Variants in MYRIP observed in about 807,000 individuals in gnomAD.
The protein encoded by MYRIP is myosin VIIA and Rab interacting protein.
In MYRIP, 49 loss-of-function variants were observed where a neutral mutation model predicts 98.0. The observed-to-expected ratio is 0.50, with a 90% CI of 0.40 to 0.63. The LOEUF (loss-of-function observed/expected upper bound fraction) is 0.63. Among genes scored for constraint, MYRIP ranks in the 30% least tolerant of loss-of-function variants. The probability of loss-of-function intolerance (pLI) is 0.00; values close to 1 mark genes in which losing one functional copy is unlikely to be tolerated. For missense variants in MYRIP, 1,004 were observed against 1,058.2 expected, an observed-to-expected ratio of 0.95 and a Z score of 0.71; for synonymous variants, 404 against 409.5, an observed-to-expected ratio of 0.99 and a Z score of 0.16.
intron 1 of MYRIP, among the ~76,000 whole-genome samples, chr3:39,857,910 G>T (rs746939382): frequency 1.6e-4 from 24 of 152,040 alleles, no homozygotes; most frequent in Non-Finnish European, 2.2e-4. Context: ...TAAGAGAAAG[G>T]TATGAAAGTA....
chr3:40,124,286 C>T (rs908929020), intron 3 of MYRIP, among the ~76,000 whole-genome samples: 1 of 152,336 alleles, frequency 6.6e-6, no homozygotes, highest in African/African-American at 2.4e-5. Context: ...AACACAGACA[C>T]AACCAAACCA....
intron 3 of MYRIP, among the ~76,000 whole-genome samples, chr3:40,098,158 G>A (rs1163668293): frequency 6.6e-6 from 1 of 152,164 alleles, no homozygotes; most frequent in Non-Finnish European, 1.5e-5. Flanking sequence ...AACAACAACA[G>A]CAGCCTTTTT....
intron 3 of MYRIP, among the ~76,000 whole-genome samples, chr3:40,131,838 TCTC>T (rs1246123971): frequency 6.6e-6 from 1 of 152,038 alleles, no homozygotes; most frequent in African/African-American, 2.4e-5. Context: ...CTCCCTCATA[TCTC>T]CTCTTTTCCA....
intron 3 of MYRIP, among the ~76,000 whole-genome samples, chr3:40,051,598 A>G (rs1036484805): frequency 6.6e-6 from 1 of 152,142 alleles, no homozygotes; most frequent in African/African-American, 2.4e-5. Context: ...TGAACCCACA[A>G]TATGCCCAAG....
At chr3:39,864,306 T>C (rs1942558202) in intron 1 of MYRIP, among the ~76,000 whole-genome samples, 1 of 151,848 alleles carries the variant, frequency 6.6e-6, no homozygotes, top group Non-Finnish European at 1.5e-5. Flanking sequence ...GTCAGAGAAA[T>C]TGGACAAGAG....
At chr3:39,898,820 A>T (rs1365241996) in intron 1 of MYRIP, among the ~76,000 whole-genome samples, 1 of 152,168 alleles carries the variant, frequency 6.6e-6, no homozygotes, top group Non-Finnish European at 1.5e-5. Flanking sequence ...TATTATAATC[A>T]TTATTGTTAT....
intron 3 of MYRIP, among the ~76,000 whole-genome samples, chr3:40,111,443 C>CTA (rs1949155727): frequency 6.6e-6 from 1 of 152,180 alleles, no homozygotes; most frequent in Non-Finnish European, 1.5e-5. Flanking sequence ...ACTGTACAGA[C>CTA]TAAACCTTTA....
chr3:40,140,526 G>T (rs771898649), intron 3 of MYRIP, among the ~76,000 whole-genome samples: 8 of 152,166 alleles, frequency 5.3e-5, no homozygotes, highest in Non-Finnish European at 1.2e-4. Context: ...GTAGTTTGGT[G>T]AGGGACCTCC....
chr3:40,226,346 A>G (rs1952489785), intron 11 of MYRIP, among the ~76,000 whole-genome samples: 1 of 152,160 alleles, frequency 6.6e-6, no homozygotes, highest in African/African-American at 2.4e-5. Context: ...GCACCTTGCC[A>G]GCTCCCTCTT....
At chr3:40,070,195 C>A (rs1042174054) in intron 3 of MYRIP, among the ~76,000 whole-genome samples, 7 of 152,102 alleles carry the variant, frequency 4.6e-5, no homozygotes, top group Admixed American at 4.6e-4. Context: ...GACTTCCAAG[C>A]AAAGCAAGTA....
chr3:39,883,135 T>A (rs1943196628), intron 1 of MYRIP, among the ~76,000 whole-genome samples: 1 of 152,126 alleles, frequency 6.6e-6, no homozygotes, highest in South Asian at 2.1e-4. Context: ...CTTTTGACAG[T>A]TCCTTGGAGA....
chr3:40,091,103 G>T (rs1056586888), intron 3 of MYRIP, among the ~76,000 whole-genome samples: 10 of 152,176 alleles, frequency 6.6e-5, no homozygotes, highest in Admixed American at 1.3e-4. Flanking sequence ...CCCCTTCTGT[G>T]TTCACCACTC....
chr3:40,097,031 CT>C (rs1318295137), intron 3 of MYRIP, among the ~76,000 whole-genome samples: 13 of 152,288 alleles, frequency 8.5e-5, no homozygotes, highest in African/African-American at 2.4e-4. Context: ...GCCATGGAGG[CT>C]TTTGACTTCT....
Position 39,823,988 on chromosome 3 carries a change from C to G in MYRIP, c.-31+14072C>G, listed in dbSNP as rs1370427726. ...TTATCTAGTAATTTTGTAGTTTTGTCTCTTACATTTAGATCTTTAATCCAT... is the reference window on the plus strand; with the variant it reads ...TTATCTAGTAATTTTGTAGTTTTGTGTCTTACATTTAGATCTTTAATCCAT... On this transcript the variant is annotated intron_variant, in intron 1 of 16. Transcript: ENST00000302541. Among the ~76,000 whole-genome samples, 3 of 151,990 alleles carry G rather than the reference C, an allele frequency of 2.0e-5. No individual in the cohort carries two copies. The East Asian group carries it at 5.8e-4, about 29-fold the overall frequency.
At chr3:39,961,581 G>A (rs1575416895) in intron 2 of MYRIP, among the ~76,000 whole-genome samples, 1 of 152,150 alleles carries the variant, frequency 6.6e-6, no homozygotes, top group South Asian at 2.1e-4. Context: ...GTAAGGCACT[G>A]GGTTTGAAGG....
chr3:40,232,373 G>T (rs1359422032), intron 11 of MYRIP, among the ~76,000 whole-genome samples: 1 of 152,204 alleles, frequency 6.6e-6, no homozygotes, highest in Non-Finnish European at 1.5e-5. Context: ...TTGTCATTTA[G>T]CCCCTTTGCT....
intron 10 of MYRIP, among the ~76,000 whole-genome samples, chr3:40,194,353 A>G (rs1231407117): frequency 1.3e-5 from 2 of 151,824 alleles, no homozygotes; most frequent in African/African-American, 4.8e-5. Context: ...GTATATTTTA[A>G]CCTTTTATTT....
At chr3:39,925,305 C>T (rs1013421053) in intron 2 of MYRIP, among the ~76,000 whole-genome samples, 6 of 151,882 alleles carry the variant, frequency 4.0e-5, no homozygotes, top group Non-Finnish European at 4.4e-5. Flanking sequence ...AATAATAAAG[C>T]GAATATGATG....
intron 2 of MYRIP, among the ~76,000 whole-genome samples, chr3:40,038,128 TAA>T (rs11359844): frequency 9.2e-5 from 14 of 151,566 alleles, no homozygotes; most frequent in African/African-American, 2.7e-4. Context: ...ATCAAAATGT[TAA>T]AAAAAAAAGT....
Sources: allele counts gnomAD v4.1 joint callset (sites outside exome capture counted in the v4.1 genomes callset), GRCh38; gene constraint gnomAD v4.1.1; transcripts MANE v1.5; gene names NCBI Gene and HGNC (gene_info 2026-07-23, HGNC 2026-07-21).